The following CARMIL1 variants were observed in gnomAD, a reference collection of about 807,000 sequenced individuals.
CARMIL1 encodes capping protein regulator and myosin 1 linker 1, also known as F-actin-uncapping protein LRRC16A.
In CARMIL1, 90 loss-of-function variants were observed where a neutral mutation model predicts 177.1. That is an observed-to-expected ratio of 0.51 (90% CI 0.43 to 0.61). The LOEUF is 0.61. CARMIL1 is among the 20% of genes least tolerant of loss of function. CARMIL1 has a pLI of 0.00. For missense variants in CARMIL1, 1,380 were observed against 1,667.0 expected, an observed-to-expected ratio of 0.83 and a Z score of 3.00; for synonymous variants, 577 against 606.2, an observed-to-expected ratio of 0.95 and a Z score of 0.71.
intron 23 of CARMIL1, among the ~76,000 whole-genome samples, chr6:25,523,013 G>A (rs1806726271): frequency 6.6e-6 from 1 of 152,146 alleles, no homozygotes; most frequent in Admixed American, 6.5e-5. Context: ...TGCCCAAGCT[G>A]GTCTCAAACT....
intron 2 of CARMIL1, among the ~76,000 whole-genome samples, chr6:25,316,072 A>G (rs529207743): frequency 1.3e-5 from 2 of 152,230 alleles, no homozygotes; most frequent in Non-Finnish European, 2.9e-5. Flanking sequence ...ATTAGTAATG[A>G]CGTTGGTGCT....
chr6:25,282,115 CAAAAAAAA>C (rs55943273), intron 1 of CARMIL1, among the ~76,000 whole-genome samples: 19 of 81,794 alleles, frequency 2.3e-4, no homozygotes, highest in South Asian at 4.6e-4. Flanking sequence ...AACTCCATCT[CAAAAAAAA>C]AAAAAAAAAA....
intron 2 of CARMIL1, among the ~76,000 whole-genome samples, chr6:25,290,215 C>T (rs1781832671): frequency 6.6e-6 from 1 of 152,120 alleles, no homozygotes; most frequent in Non-Finnish European, 1.5e-5. Flanking sequence ...CCCACCTCAG[C>T]CTCCCAAGTA....
chr6:25,495,333 CT>C, intron 16 of CARMIL1, 118 bp downstream of exon 16: 1 of 592,060 alleles, frequency 1.7e-6, no homozygotes, highest in Non-Finnish European at 2.9e-6. Flanking sequence ...ATGAGAATGC[CT>C]TTTTACTCTG....
At chr6:25,447,814 T>A (rs1190217471) in intron 5 of CARMIL1, among the ~76,000 whole-genome samples, 2 of 152,130 alleles carry the variant, frequency 1.3e-5, no homozygotes, top group Non-Finnish European at 2.9e-5. Flanking sequence ...GTGGCTTGGC[T>A]TTCTCTTCTT....
intron 5 of CARMIL1, among the ~76,000 whole-genome samples, chr6:25,440,800 C>T (rs773976815): frequency 6.6e-6 from 1 of 151,942 alleles, no homozygotes; most frequent in Non-Finnish European, 1.5e-5. Context: ...ATCCTTAGAC[C>T]TTGTATGACT....
In CARMIL1 at chr6:25,357,544, A is replaced by C. The variant is rs568931378; in HGVS notation, c.139-62570A>C. 3.0e-4 allele frequency among the ~76,000 whole-genome samples: 46 copies of C among 152,340 alleles called. No individual in the cohort carries two copies. In the South Asian group the frequency reaches 8.9e-3, roughly 29 times the overall value. ...GGTTGCAGTGAACCAAGATTGTGCC[A>C]CTGCACTCTAGCCTAGGGGACAGAG... On this transcript the variant is annotated intron_variant, in intron 2 of 36. Transcript: ENST00000329474.
At chr6:25,308,522 C>G (rs1281656464) in intron 2 of CARMIL1, among the ~76,000 whole-genome samples, 1 of 151,930 alleles carries the variant, frequency 6.6e-6, no homozygotes, top group African/African-American at 2.4e-5. Context: ...GCAGGGACTA[C>G]AGGCGCGTGC....
intron 29 of CARMIL1, among the ~76,000 whole-genome samples, chr6:25,567,452 G>T (rs969920061): frequency 1.3e-5 from 2 of 152,182 alleles, no homozygotes; most frequent in Non-Finnish European, 2.9e-5. Flanking sequence ...GAAAGATCTG[G>T]GGTAGAGGAC....
In CARMIL1 at chr6:25,435,472, G is replaced by A. The variant is rs1273427432; in HGVS notation, c.250-11G>A. ...ACTCATTCTTAAGAAGTGTCCCACC[G>A]GTTCTTGCAGATGATTGTGGAAACT... On this transcript the variant is annotated splice_polypyrimidine_tract_variant and intron_variant, in intron 4 of 36. Transcript: ENST00000329474. 2 of 1,549,654 alleles carry A rather than the reference G, an allele frequency of 1.3e-6. No homozygotes were observed. The highest frequency in any genetic ancestry group is 1.2e-5 in the South Asian group (1 of 83,766).
intron 31 of CARMIL1, among the ~76,000 whole-genome samples, chr6:25,587,161 CTA>C (rs2151274196): frequency 6.6e-6 from 1 of 152,174 alleles, no homozygotes; most frequent in Non-Finnish European, 1.5e-5. Context: ...GATATTTTAG[CTA>C]TATGTTTTTA....
Position 25,581,323 on chromosome 6 carries a change from G to A in CARMIL1, c.2890G>A (p.Glu964Lys), listed in dbSNP as rs776150725. The change falls in exon 31 of 37, where the codon GAG (glutamate) becomes AAG (lysine). Residue 964 changes from glutamate to lysine, a missense_variant. Physicochemically the swap from Glu to Lys is moderately conservative, Grantham distance 56. Coordinates refer to ENST00000329474, the MANE Select transcript of CARMIL1 (RefSeq NM_017640.6). ...CCCGCCCTTCCCATCCCTCAGACAG[G>A]AGAAGCGGAGCTCGGGATTTATCTC... ...EDPPFPSLRQ[E>K]KRSSGFISEL... 5.9e-5 allele frequency: 95 copies of A among 1,613,734 alleles called. No homozygotes were observed. The highest frequency in any genetic ancestry group is 7.7e-5 in the Non-Finnish European group (91 of 1,179,860).
At chr6:25,281,127 TGC>T (rs1554148544) in intron 1 of CARMIL1, among the ~76,000 whole-genome samples, 4 of 127,000 alleles carry the variant, frequency 3.1e-5, no homozygotes, top group African/African-American at 6.4e-5. Context: ...CACGCGCGTG[TGC>T]GCGCGCGCAC....
intron 5 of CARMIL1, among the ~76,000 whole-genome samples, chr6:25,435,845 C>CTA (rs148168883): frequency 6.6e-6 from 1 of 152,256 alleles, no homozygotes; most frequent in East Asian, 1.9e-4. Flanking sequence ...AGTCCTTTAA[C>CTA]TTCTCATAAG....
intron 5 of CARMIL1, among the ~76,000 whole-genome samples, chr6:25,445,670 G>C (rs1798163280): frequency 6.6e-6 from 1 of 151,870 alleles, no homozygotes; most frequent in Non-Finnish European, 1.5e-5. Context: ...GAGTAACTGG[G>C]ACTACAGGTG....
At chr6:25,552,701 A>C (rs1429696603) in intron 27 of CARMIL1, among the ~76,000 whole-genome samples, 1 of 152,160 alleles carries the variant, frequency 6.6e-6, no homozygotes, top group South Asian at 2.1e-4. Context: ...TTAAGACTCT[A>C]TCTTTTTTTG....
At chr6:25,613,849 G>T (rs1428013457) in intron 36 of CARMIL1, among the ~76,000 whole-genome samples, 3 of 152,092 alleles carry the variant, frequency 2.0e-5, no homozygotes, top group Non-Finnish European at 4.4e-5. Flanking sequence ...ATGTATTTAG[G>T]CTCCCAGGGA....
chr6:25,398,050 A>G (rs538313816), intron 2 of CARMIL1, among the ~76,000 whole-genome samples: 1 of 152,156 alleles, frequency 6.6e-6, no homozygotes, highest in Non-Finnish European at 1.5e-5. Context: ...AGGGGAAAAG[A>G]TTACATTTTC....
intron 2 of CARMIL1, among the ~76,000 whole-genome samples, chr6:25,290,683 G>T (rs537773375): frequency 6.6e-6 from 1 of 152,232 alleles, no homozygotes; most frequent in South Asian, 2.1e-4. Flanking sequence ...GCAAGTAGGG[G>T]AAGTGGCATA....
Sources: allele counts gnomAD v4.1 joint callset (sites outside exome capture counted in the v4.1 genomes callset), GRCh38; gene constraint gnomAD v4.1.1; transcripts MANE v1.5; gene names NCBI Gene and HGNC (gene_info 2026-07-23, HGNC 2026-07-21).